The following TULP3 variants were observed in gnomAD, a reference collection of about 807,000 sequenced individuals.
TULP3 encodes the protein TUB like protein 3.
In TULP3, 38 loss-of-function variants were observed where a neutral mutation model predicts 50.7. The ratio of observed to expected loss-of-function variants is 0.75; its 90% confidence interval spans 0.58 to 0.98. The LOEUF (loss-of-function observed/expected upper bound fraction) is 0.98, where lower values mean the gene tolerates loss of function less well. TULP3 is among the 50% of genes least tolerant of loss of function. The pLI, the probability that TULP3 is intolerant of heterozygous loss-of-function variation, is 0.00. For missense variants in TULP3, 550 were observed against 568.0 expected (o/e 0.97, Z 0.32); for synonymous variants, 183 against 196.6 (o/e 0.93, Z 0.58).
intron 6 of TULP3, among the ~76,000 whole-genome samples, chr12:2,932,579 CAAAA>C (rs11409686): frequency 8.7e-5 from 6 of 68,886 alleles, no homozygotes; most frequent in Non-Finnish European, 1.4e-4. Context: ...GACCCTATCT[CAAAA>C]AAAAAAAAAA....
In TULP3 at chr12:2,894,546, C is replaced by G. The variant is rs535218493; in HGVS notation, c.41+3558C>G. On this transcript the variant is annotated intron_variant, in intron 1 of 10. Transcript: ENST00000448120. ...CAAGACTCCGTCTCAAAAACACACACACACACACACACACACACACGCACG... is the reference window on the plus strand; with the variant it reads ...CAAGACTCCGTCTCAAAAACACACAGACACACACACACACACACACGCACG... 1.7e-4 allele frequency among the ~76,000 whole-genome samples: 26 copies of G among 150,880 alleles called. No individual in the cohort carries two copies. The South Asian group carries it at 5.0e-3, about 29-fold the overall frequency.
At chr12:2,912,340 A>G (rs777547688) in intron 2 of TULP3, among the ~76,000 whole-genome samples, 23 of 152,230 alleles carry the variant, frequency 1.5e-4, no homozygotes, top group Non-Finnish European at 2.9e-4. Flanking sequence ...AGGGCAGGCT[A>G]CAGCTCAGCC....
intron 1 of TULP3, among the ~76,000 whole-genome samples, chr12:2,901,388 A>G (rs538884714): frequency 7.6e-5 from 4 of 52,400 alleles, no homozygotes; most frequent in African/African-American, 2.3e-4. Flanking sequence ...ATTTTGTTTT[A>G]TTTTATTTTT....
intron 1 of TULP3, among the ~76,000 whole-genome samples, chr12:2,893,601 G>A (rs368469061): frequency 6.3e-4 from 96 of 152,168 alleles, no homozygotes; most frequent in Middle Eastern, 6.8e-3. Flanking sequence ...GATTACAGGC[G>A]TGAGCCCCCC....
Position 2,920,738 on chromosome 12 carries a change from G to A in TULP3, c.94-25G>A, listed in dbSNP as rs758297130. On this transcript the variant is annotated intron_variant, in intron 2 of 10. Coordinates refer to ENST00000448120, the MANE Select transcript of TULP3 (RefSeq NM_003324.5). ...AGGTCATGTCAAAACTCTCCTTGCT[G>A]GCTGTCATATCGCTTTTTTCCCAGA... is the stretch of plus-strand genomic sequence containing the variant. 8 of 1,612,442 alleles carry A rather than the reference G, an allele frequency of 5.0e-6. No homozygotes were observed. The South Asian group carries it at 6.6e-5, about 13-fold the overall frequency.
At position 2,891,894 on chromosome 12, in the gene TULP3, A is replaced by T. The variant is rs575731818; in HGVS notation, c.41+906A>T. Among the ~76,000 whole-genome samples the T allele has an allele frequency of 1.8e-4, 27 of 152,172 alleles. No individual in the cohort carries two copies. In the South Asian group the frequency reaches 5.2e-3, roughly 29 times the overall value. On this transcript the variant is annotated intron_variant, in intron 1 of 10. Transcript: ENST00000448120. ...GATAGCGAGACCCCCATCTCTAGAA[A>T]AAAATAAAATAAAATAAAATCAATC...
chr12:2,935,092 A>G (rs1259734118), intron 8 of TULP3, among the ~76,000 whole-genome samples: 1 of 152,170 alleles, frequency 6.6e-6, no homozygotes, highest in Non-Finnish European at 1.5e-5. Context: ...ACGAGGCTCC[A>G]GTTGATCCTC....
chr12:2,922,003 A>G (rs2153949633), intron 3 of TULP3, among the ~76,000 whole-genome samples: 1 of 152,276 alleles, frequency 6.6e-6, no homozygotes, highest in South Asian at 2.1e-4. Flanking sequence ...GGATCGTTTG[A>G]GCCTAGGAAG....
intron 4 of TULP3, among the ~76,000 whole-genome samples, chr12:2,923,820 A>C (rs544694964): frequency 2.1e-4 from 32 of 151,436 alleles, no homozygotes; most frequent in Admixed American, 4.0e-4. Flanking sequence ...AAAAATGCAA[A>C]AAAAAAAAAA....
At chr12:2,924,657 G>C (rs2098193663) in intron 4 of TULP3, among the ~76,000 whole-genome samples, 1 of 151,386 alleles carries the variant, frequency 6.6e-6, no homozygotes, top group South Asian at 2.1e-4. Flanking sequence ...CTCCAGCCTG[G>C]GTGACAGAAT....
In TULP3 at chr12:2,890,904, C is replaced by A; in HGVS notation, c.-44C>A. ...GCCAGCCTAGCCACTCTAGCGACGG[C>A]GGGGAAGAGTGTGTACGTGGTGGGG... On this transcript the variant is annotated 5_prime_UTR_variant, in exon 1 of 11. Transcript: ENST00000448120. 1 of 1,543,908 alleles carries A rather than the reference C, an allele frequency of 6.5e-7. No homozygotes were observed.
intron 6 of TULP3, among the ~76,000 whole-genome samples, chr12:2,931,575 A>G (rs1415980559): frequency 6.6e-6 from 1 of 152,230 alleles, no homozygotes; most frequent in Non-Finnish European, 1.5e-5. Context: ...ATTACGGAAG[A>G]ACATGACATT....
chr12:2,893,977 T>A (rs1226573170), intron 1 of TULP3, among the ~76,000 whole-genome samples: 1 of 151,988 alleles, frequency 6.6e-6, no homozygotes, highest in Non-Finnish European at 1.5e-5. Context: ...TAGTGAAAAT[T>A]GGAGGTGAAA....
intron 1 of TULP3, among the ~76,000 whole-genome samples, chr12:2,905,053 C>T (rs2098181372): frequency 1.4e-5 from 2 of 140,828 alleles, no homozygotes; most frequent in Admixed American, 1.5e-4. Flanking sequence ...CCACTGCACT[C>T]CAGCCTGGAC....
intron 1 of TULP3, among the ~76,000 whole-genome samples, chr12:2,899,083 C>T (rs945446282): frequency 2.6e-5 from 4 of 152,220 alleles, no homozygotes; most frequent in Middle Eastern, 3.4e-3. Flanking sequence ...CAGTGGCTCA[C>T]GCCTGTAATC....
chr12:2,896,652 A>G (rs906179344), intron 1 of TULP3, among the ~76,000 whole-genome samples: 5 of 152,222 alleles, frequency 3.3e-5, no homozygotes, highest in Non-Finnish European at 7.3e-5. Flanking sequence ...ATGCTCCTGG[A>G]AAAATAAAAT....
intron 2 of TULP3, among the ~76,000 whole-genome samples, chr12:2,918,190 G>A (rs891539894): frequency 1.3e-5 from 2 of 151,632 alleles, no homozygotes; most frequent in South Asian, 2.1e-4. Flanking sequence ...CTCGGCTCAC[G>A]GCAACCTCTG....
intron 8 of TULP3, among the ~76,000 whole-genome samples, chr12:2,936,634 C>A (rs1481063343): frequency 1.3e-5 from 2 of 151,248 alleles, no homozygotes; most frequent in Non-Finnish European, 2.9e-5. Context: ...TGCCTATAAT[C>A]CCAGCTACTC....
chr12:2,911,133 C>A (rs2098185209), intron 2 of TULP3, among the ~76,000 whole-genome samples: 1 of 150,878 alleles, frequency 6.6e-6, no homozygotes, highest in Non-Finnish European at 1.5e-5. Flanking sequence ...TAATTGTATT[C>A]TTTTCATTGA....
Sources: gnomAD v4.1 joint callset for allele counts (sites outside exome capture counted in the v4.1 genomes callset) on GRCh38, gnomAD v4.1.1 for gene constraint, MANE v1.5 for transcripts, NCBI Gene and HGNC (gene_info 2026-07-23, HGNC 2026-07-21) for gene names.